PPP2R5A: variants seen among roughly 807,000 people sequenced by gnomAD.
PPP2R5A encodes the protein serine/threonine-protein phosphatase 2A 56 kDa regulatory subunit alpha isoform.
PPP2R5A carries 25 observed loss-of-function variants against 64.2 expected under a neutral mutation model. The observed-to-expected ratio is 0.39, with a 90% CI of 0.28 to 0.54. The LOEUF (loss-of-function observed/expected upper bound fraction) is 0.54. Among genes scored for constraint, PPP2R5A ranks in the 20% least tolerant of loss-of-function variants. PPP2R5A has a pLI of 0.67. For synonymous variants in PPP2R5A, 198 were observed against 201.2 expected, an observed-to-expected ratio of 0.98 and a Z score of 0.13; for missense variants, 425 against 576.3, an observed-to-expected ratio of 0.74 and a Z score of 2.69.
chr1:212,301,718 A>G, intron 1 of PPP2R5A: 1 of 730,770 alleles, frequency 1.4e-6, no homozygotes, highest in Non-Finnish European at 1.7e-6. Context: ...AAAAAAAGCT[A>G]CATGTCCTAT....
chr1:212,336,491 G>T (rs993370598), intron 3 of PPP2R5A, among the ~76,000 whole-genome samples: 2 of 152,078 alleles, frequency 1.3e-5, no homozygotes, highest in Admixed American at 6.6e-5. Context: ...TTCATCTATG[G>T]TCCCTTGATT....
chr1:212,304,755 CAG>C (rs1253891473), intron 1 of PPP2R5A, among the ~76,000 whole-genome samples: 4 of 120,526 alleles, frequency 3.3e-5, no homozygotes, highest in Admixed American at 9.3e-5. Context: ...TTTTTGAGAA[CAG>C]AGTCTCACTC....
intron 1 of PPP2R5A, among the ~76,000 whole-genome samples, chr1:212,302,438 T>C (rs1033255919): frequency 6.6e-5 from 10 of 152,206 alleles, no homozygotes; most frequent in Non-Finnish European, 1.2e-4. Context: ...ATTCTGTGTA[T>C]GTGTTGTATA....
At chr1:212,326,882 T>C (rs961661319) in intron 1 of PPP2R5A, among the ~76,000 whole-genome samples, 1 of 152,262 alleles carries the variant, frequency 6.6e-6, no homozygotes, top group Admixed American at 6.5e-5. Context: ...CTTTGTAATA[T>C]ATCCACATTT....
chr1:212,333,446 C>T, intron 2 of PPP2R5A, 51 bp from the exon 3 acceptor site: 1 of 1,180,352 alleles, frequency 8.5e-7, no homozygotes, highest in East Asian at 2.7e-5. Context: ...TTGAATTGTC[C>T]AATTCAATTA....
chr1:212,322,356 T>C (rs935974999), intron 1 of PPP2R5A, among the ~76,000 whole-genome samples: 10 of 152,144 alleles, frequency 6.6e-5, no homozygotes, highest in Non-Finnish European at 1.5e-5. Context: ...TGATCTTTTT[T>C]CAACCTATTT....
intron 1 of PPP2R5A, among the ~76,000 whole-genome samples, chr1:212,292,804 A>G (rs1462172417): frequency 1.3e-5 from 2 of 152,060 alleles, no homozygotes; most frequent in Non-Finnish European, 2.9e-5. Context: ...GCCTCATGTG[A>G]TCCTCCGTCT....
At chr1:212,318,127 C>T (rs943641421) in intron 1 of PPP2R5A, among the ~76,000 whole-genome samples, 2 of 152,164 alleles carry the variant, frequency 1.3e-5, no homozygotes, top group African/African-American at 2.4e-5. Context: ...ACCCTTGGCC[C>T]TTGGCTTGAG....
chr1:212,319,770 G>A (rs1333510885), intron 1 of PPP2R5A, among the ~76,000 whole-genome samples: 3 of 151,182 alleles, frequency 2.0e-5, no homozygotes, highest in Non-Finnish European at 2.9e-5. Context: ...ACAGGTGTGC[G>A]CCACTACACC....
intron 3 of PPP2R5A, among the ~76,000 whole-genome samples, chr1:212,339,505 C>T (rs1296332198): frequency 6.6e-6 from 1 of 152,166 alleles, no homozygotes; most frequent in Non-Finnish European, 1.5e-5. Context: ...AACTTTTTGT[C>T]ATCATCTCTT....
At chr1:212,322,262 A>AGGG (rs1390500479) in intron 1 of PPP2R5A, among the ~76,000 whole-genome samples, 2 of 32,836 alleles carry the variant, frequency 6.1e-5, no homozygotes, top group African/African-American at 3.5e-4. Context: ...AGGGAGAGGG[A>AGGG]GAGGAGGGAG....
intron 4 of PPP2R5A, among the ~76,000 whole-genome samples, chr1:212,345,579 T>C (rs1426110405): frequency 6.6e-6 from 1 of 152,186 alleles, no homozygotes; most frequent in Admixed American, 6.5e-5. Context: ...TTTTGAAATA[T>C]TTATATTTAT....
intron 1 of PPP2R5A, among the ~76,000 whole-genome samples, chr1:212,305,210 G>T (rs1299745490): frequency 6.6e-6 from 1 of 151,440 alleles, no homozygotes; most frequent in East Asian, 1.9e-4. Context: ...CTAATGTTTT[G>T]TATTTTTAGT....
chr1:212,287,944 T>G (rs1413640405), intron 1 of PPP2R5A, among the ~76,000 whole-genome samples: 1 of 152,208 alleles, frequency 6.6e-6, no homozygotes, highest in Non-Finnish European at 1.5e-5. Context: ...ATAGTATACT[T>G]TAATAAAAGT....
rs1340635195 is a variant in PPP2R5A at position 212,361,814 on chromosome 1, T to C, written c.*1044T>C. The C allele has an allele frequency of 3.9e-5, 6 of 152,676 alleles. No homozygotes were observed. Among genetic ancestry groups the C allele is most frequent in the East Asian group, 1.9e-4 (1 of 5,204 alleles). The allele number at this position is 152,676 out of a possible 1,614,324, so 9.5% of individuals were successfully genotyped here. A position where few individuals can be genotyped will look rare whatever the true frequency, so the allele number is the denominator to read the frequency against. ...ACTGTTTTGTAATGAAAGATCTTCA[T>C]TGGGGGATTGAGCAGCATTTAATAA... On this transcript the variant is annotated 3_prime_UTR_variant, in exon 13 of 13. Coordinates refer to ENST00000261461, the MANE Select transcript of PPP2R5A (RefSeq NM_006243.4).
intron 1 of PPP2R5A, among the ~76,000 whole-genome samples, chr1:212,325,746 C>T (rs1659397543): frequency 6.6e-6 from 1 of 151,904 alleles, no homozygotes; most frequent in Non-Finnish European, 1.5e-5. Context: ...TACTGAATAA[C>T]TGAGAGAACT....
At chr1:212,297,697 ATCT>A (rs1447964119) in intron 1 of PPP2R5A, 2 of 152,134 alleles carry the variant, frequency 1.3e-5, no homozygotes, top group African/African-American at 2.4e-5. Flanking sequence ...TGCTTCATTG[ATCT>A]TCTTTGAAAC....
chr1:212,310,997 T>C (rs1159275802), intron 1 of PPP2R5A, among the ~76,000 whole-genome samples: 5 of 152,136 alleles, frequency 3.3e-5, no homozygotes, highest in Non-Finnish European at 7.4e-5. Flanking sequence ...AATACAGTCA[T>C]GTGCTGCATA....
chr1:212,338,953 C>A (rs141744407), intron 3 of PPP2R5A, among the ~76,000 whole-genome samples: 86 of 152,290 alleles, frequency 5.6e-4, no homozygotes, highest in African/African-American at 2.0e-3. Flanking sequence ...AAATCCCTTA[C>A]ATCCTAGCAG....
Sources: allele counts gnomAD v4.1 joint callset (sites outside exome capture counted in the v4.1 genomes callset), GRCh38; gene constraint gnomAD v4.1.1; transcripts MANE v1.5; gene names NCBI Gene and HGNC (gene_info 2026-07-23, HGNC 2026-07-21).